Variants in ITFG1 observed in about 807,000 individuals in gnomAD.
ITFG1 encodes integrin alpha FG-GAP repeat containing 1.
ITFG1 carries 34 observed loss-of-function variants against 81.8 expected under a neutral mutation model. That is an observed-to-expected ratio of 0.42 (90% CI 0.32 to 0.55). The LOEUF is 0.55. Ranked by LOEUF, ITFG1 falls within the 20% of genes least tolerant of loss-of-function variation. ITFG1 has a pLI of 0.17. For missense variants in ITFG1, 672 were observed against 755.4 expected (o/e 0.89, Z 1.29); for synonymous variants, 285 against 270.6 (o/e 1.05, Z -0.52).
chr16:47,241,780 C>A (rs1212704976), intron 12 of ITFG1, among the ~76,000 whole-genome samples: 1 of 151,954 alleles, frequency 6.6e-6, no homozygotes, highest in African/African-American at 2.4e-5. Flanking sequence ...ACAGTGAAAC[C>A]CCGTCTCTAC....
intron 5 of ITFG1, among the ~76,000 whole-genome samples, chr16:47,441,921 C>T (rs1179948431): frequency 5.9e-5 from 9 of 152,112 alleles, no homozygotes; most frequent in Non-Finnish European, 1.2e-4. Context: ...GATTGTATAT[C>T]TAGAAAACCC....
intron 8 of ITFG1, among the ~76,000 whole-genome samples, chr16:47,324,324 C>T (rs1201414429): frequency 3.3e-5 from 5 of 152,034 alleles, no homozygotes; most frequent in Admixed American, 2.0e-4. Context: ...CCTAAAAGAG[C>T]TCCTGAAGGA....
At position 47,451,594 on chromosome 16, in the gene ITFG1, A is replaced by T; in HGVS notation, c.486-124T>A. 7 of 598,708 alleles carry T rather than the reference A, an allele frequency of 1.2e-5. 1 individual carries two copies. In the South Asian group the frequency reaches 1.4e-4, roughly 12 times the overall value. 37.1% of individuals were successfully genotyped at this position (598,708 alleles called of 1,614,324 possible). A position where few individuals can be genotyped will look rare whatever the true frequency, so the allele number is the denominator to read the frequency against. On this transcript the variant is annotated intron_variant, in intron 4 of 17. Coordinates refer to ENST00000320640, the MANE Select transcript of ITFG1 (RefSeq NM_030790.5). ...TTACAATGCTCGCCAGTATCTAGTG[A>T]TAAGTATTAAGTCAAATGTCAGCAC...
At chr16:47,292,577 TA>T (rs1023892884) in intron 10 of ITFG1, among the ~76,000 whole-genome samples, 1 of 152,182 alleles carries the variant, frequency 6.6e-6, no homozygotes, top group Non-Finnish European at 1.5e-5. Flanking sequence ...TGCACAGTGG[TA>T]AAGTCTGGGA....
intron 6 of ITFG1, among the ~76,000 whole-genome samples, chr16:47,392,832 A>G (rs1968549704): frequency 6.6e-6 from 1 of 152,202 alleles, no homozygotes; most frequent in Non-Finnish European, 1.5e-5. Context: ...TGGTCTCACA[A>G]AATTTACAGA....
intron 14 of ITFG1, among the ~76,000 whole-genome samples, chr16:47,212,311 TC>T (rs1965572829): frequency 2.6e-5 from 4 of 152,190 alleles, no homozygotes; most frequent in Admixed American, 6.5e-5. Flanking sequence ...CCTCCAGGGC[TC>T]AAGTGATCCT....
At chr16:47,390,449 CT>C (rs1968515833) in intron 6 of ITFG1, among the ~76,000 whole-genome samples, 2 of 151,954 alleles carry the variant, frequency 1.3e-5, no homozygotes, top group Non-Finnish European at 2.9e-5. Context: ...TATAATAATT[CT>C]TGTTTATTAT....
chr16:47,389,250 G>A (rs922482975), intron 6 of ITFG1, among the ~76,000 whole-genome samples: 2 of 152,104 alleles, frequency 1.3e-5, no homozygotes, highest in South Asian at 4.1e-4. Context: ...AAAAAATGGT[G>A]CAATTAGTAA....
At chr16:47,204,203 C>A (rs948049266) in intron 14 of ITFG1, among the ~76,000 whole-genome samples, 5 of 152,184 alleles carry the variant, frequency 3.3e-5, no homozygotes, top group African/African-American at 1.2e-4. Context: ...TCCATGGCAT[C>A]TGACAGCCCA....
intron 5 of ITFG1, among the ~76,000 whole-genome samples, chr16:47,437,320 TAGTC>T (rs1417342563): frequency 2.0e-5 from 3 of 151,970 alleles, no homozygotes; most frequent in African/African-American, 7.3e-5. Flanking sequence ...TTTAAAAAGT[TAGTC>T]AGGCATGGTG....
intron 12 of ITFG1, among the ~76,000 whole-genome samples, chr16:47,244,591 T>TTGTGTGTGTG (rs57470225): frequency 1.5e-4 from 18 of 118,144 alleles, no homozygotes; most frequent in African/African-American, 5.9e-4. Context: ...ATTCCATCTT[T>TTGTGTGTGTG]TGTGTGTGTG....
chr16:47,387,875 G>A (rs528353474), intron 6 of ITFG1, among the ~76,000 whole-genome samples: 51 of 152,006 alleles, frequency 3.4e-4, no homozygotes, highest in Non-Finnish European at 6.0e-4. Context: ...AGACAGTGCT[G>A]TGAGAGGGAC....
chr16:47,373,525 G>C (rs1323325104), intron 7 of ITFG1, among the ~76,000 whole-genome samples: 1 of 151,992 alleles, frequency 6.6e-6, no homozygotes, highest in Non-Finnish European at 1.5e-5. Flanking sequence ...AGATGATCTG[G>C]CCGCCTCAGC....
chr16:47,335,313 T>C (rs1967688705), intron 8 of ITFG1, among the ~76,000 whole-genome samples: 1 of 152,010 alleles, frequency 6.6e-6, no homozygotes, highest in Admixed American at 6.6e-5. Flanking sequence ...GCCCAGATCA[T>C]GCCCATTGCA....
intron 8 of ITFG1, among the ~76,000 whole-genome samples, chr16:47,325,043 C>G (rs1008008320): frequency 6.6e-6 from 1 of 152,120 alleles, no homozygotes; most frequent in Non-Finnish European, 1.5e-5. Flanking sequence ...CTTTTCAGCA[C>G]CACACCACAC....
chr16:47,336,648 G>T (rs1967707411), intron 8 of ITFG1, among the ~76,000 whole-genome samples: 1 of 152,142 alleles, frequency 6.6e-6, no homozygotes. Flanking sequence ...AGGCACTGGA[G>T]AAAAAGCTAA....
intron 6 of ITFG1, among the ~76,000 whole-genome samples, chr16:47,423,520 C>T (rs1407311422): frequency 2.6e-5 from 4 of 152,162 alleles, no homozygotes; most frequent in African/African-American, 4.8e-5. Flanking sequence ...GCAGTTTCTT[C>T]CTAGCATTGA....
At chr16:47,324,541 C>A (rs1478066427) in intron 8 of ITFG1, among the ~76,000 whole-genome samples, 10 of 152,108 alleles carry the variant, frequency 6.6e-5, no homozygotes, top group Non-Finnish European at 5.9e-5. Flanking sequence ...CACGGACTGG[C>A]AAATTGGATA....
In ITFG1 at chr16:47,333,741, A is replaced by C. The variant is rs149149411; in HGVS notation, c.803-19918T>G. ...TGGTCAGTTTTCTAATCCACAAAAG[A>C]AGCAGAGTGGACATAAGACCCGTTT... On this transcript the variant is annotated intron_variant, in intron 8 of 17. Coordinates refer to ENST00000320640, the MANE Select transcript of ITFG1 (RefSeq NM_030790.5). Among the ~76,000 whole-genome samples, 37 of 152,316 alleles carry C rather than the reference A, an allele frequency of 2.4e-4. No homozygotes were observed. The East Asian group carries it at 5.0e-3, about 21-fold the overall frequency.
Sources: allele counts gnomAD v4.1 joint callset (sites outside exome capture counted in the v4.1 genomes callset), GRCh38; gene constraint gnomAD v4.1.1; transcripts MANE v1.5; gene names NCBI Gene and HGNC (gene_info 2026-07-23, HGNC 2026-07-21).